The following ADAMTS10 variants were observed in gnomAD, a reference collection of about 807,000 sequenced individuals.
ADAMTS10 encodes the protein ADAM metallopeptidase with thrombospondin type 1 motif 10, also known as A disintegrin and metalloproteinase with thrombospondin motifs 10.
ADAMTS10 carries 48 observed loss-of-function variants against 135.9 expected under a neutral mutation model. The observed-to-expected ratio is 0.35, with a 90% CI of 0.28 to 0.45. ADAMTS10 has a LOEUF of 0.45. Ranked by LOEUF, ADAMTS10 falls within the 20% of genes least tolerant of loss-of-function variation. ADAMTS10 has a pLI of 1.00. For synonymous variants in ADAMTS10, 621 were observed against 647.5 expected (o/e 0.96, Z 0.62); for missense variants, 1,131 against 1,565.2 (o/e 0.72, Z 4.68).
chr19:8,607,110 TGGTC>T (rs879998306), intron 2 of ADAMTS10, among the ~76,000 whole-genome samples: 1 of 152,038 alleles, frequency 6.6e-6, no homozygotes. Flanking sequence ...AAGGGGGGGC[TGGTC>T]GGTGTGAATT....
chr19:8,583,624 A>T (rs1475455177), intron 25 of ADAMTS10, among the ~76,000 whole-genome samples: 2 of 152,000 alleles, frequency 1.3e-5, no homozygotes, highest in Admixed American at 6.6e-5. Flanking sequence ...AGGCGGGTGG[A>T]TTACTTGAGG....
rs142825557 is a variant in ADAMTS10 at position 8,595,822 on chromosome 19, G to A, written c.1419C>T (p.Tyr473=). The part of the protein sequence containing the change: ...VYPTVAPGQA[Y]DADEQCRFQH... ...GAAAGCGGCATTGCTCATCTGCATCGTAGGCTTGGCCCGGTGCCACTGTCG... is the reference window on the plus strand; with the variant it reads ...GAAAGCGGCATTGCTCATCTGCATCATAGGCTTGGCCCGGTGCCACTGTCG... Residue 473 remains tyrosine (Y), a synonymous_variant, in exon 12 of 26, where the codon TAC becomes TAT. Coordinates refer to ENST00000597188, the MANE Select transcript of ADAMTS10 (RefSeq NM_030957.4). The A allele has an allele frequency of 4.1e-5, 66 of 1,614,162 alleles. No individual in the cohort carries two copies. The African/African-American group carries it at 6.9e-4, about 17-fold the overall frequency.
rs1428079342 is a variant in ADAMTS10 at position 8,601,355 on chromosome 19, T to G, written c.593-210A>C. Among the ~76,000 whole-genome samples, 2 of 148,800 alleles carry G rather than the reference T, an allele frequency of 1.3e-5. No homozygotes were observed. The highest frequency in any genetic ancestry group is 3.0e-5 in the Non-Finnish European group (2 of 67,512). ...GGGCTGCCAAACACCTCATCGTTTT[T>G]CTTATTCTTTTTTTTTTTTTTTTTG... On this transcript the variant is annotated intron_variant, in intron 5 of 25. Coordinates refer to ENST00000597188, the MANE Select transcript of ADAMTS10 (RefSeq NM_030957.4). The surrounding 1 kb of genome is among the most constrained non-coding windows in gnomAD (Gnocchi z 4.6).
intron 25 of ADAMTS10, among the ~76,000 whole-genome samples, chr19:8,583,618 G>A (rs1048283053): frequency 6.7e-5 from 10 of 149,484 alleles, no homozygotes; most frequent in African/African-American, 2.5e-4. Flanking sequence ...AGGCCGAGGC[G>A]GGTGGATTAC....
rs1555740067 is a variant in ADAMTS10, at chr19:8,596,043, G to A, written c.1337+30C>T. The A allele has an allele frequency of 4.3e-6, 7 of 1,614,006 alleles. No individual in the cohort carries two copies. The highest frequency in any genetic ancestry group is 2.2e-5 in the South Asian group (2 of 91,086). On this transcript the variant is annotated intron_variant, in intron 11 of 25. Coordinates refer to ENST00000597188, the MANE Select transcript of ADAMTS10 (RefSeq NM_030957.4). The surrounding 1 kb of genome is among the most constrained non-coding windows in gnomAD (Gnocchi z 7.2). ...CCCTGCCCCACCATGAGTGTGACCC[G>A]CTCTGAGGGACACCCAGGTGCATCC...
Position 8,586,405 on chromosome 19 carries a change from C to T in ADAMTS10, c.2469G>A (p.Ser823=), listed in dbSNP as rs782704779. 7.4e-6 allele frequency: 12 copies of T among 1,613,866 alleles called. No individual in the cohort carries two copies. Among genetic ancestry groups the T allele is most frequent in the South Asian group, 1.1e-5 (1 of 91,070 alleles). ...CATAGTGCCAGGAGTAGGGGGGCAGCGAGTCACGGGCGATGGGGGCATTGA... is the reference window on the plus strand; with the variant it reads ...CATAGTGCCAGGAGTAGGGGGGCAGTGAGTCACGGGCGATGGGGGCATTGA... ...YRFNAPIARD[S]LPPYSWHYAP... is the part of the protein sequence containing the mutation. Residue 823 remains serine, a synonymous_variant, in exon 21 of 26, where the codon TCG becomes TCA. Transcript: ENST00000597188.
chr19:8,604,074 A>G (rs977478969), intron 4 of ADAMTS10, among the ~76,000 whole-genome samples, 190 bp from the exon 5 acceptor site: 1 of 150,992 alleles, frequency 6.6e-6, no homozygotes, highest in East Asian at 1.9e-4. Context: ...TTTTGGAGAC[A>G]AGGTCTTACT....
At chr19:8,600,713 TG>T (rs1331330837) in intron 6 of ADAMTS10, among the ~76,000 whole-genome samples, 1 of 151,964 alleles carries the variant, frequency 6.6e-6, no homozygotes, top group Non-Finnish European at 1.5e-5. Flanking sequence ...TTAGCCAGGA[TG>T]GTCTCCATCT....
chr19:8,600,101 C>T (rs889902316), intron 6 of ADAMTS10, among the ~76,000 whole-genome samples: 1 of 152,222 alleles, frequency 6.6e-6, no homozygotes, highest in Non-Finnish European at 1.5e-5. Context: ...GCATGAGCCA[C>T]TGTGCCCAGC....
In ADAMTS10 at chr19:8,591,794, A is replaced by G; in HGVS notation, c.1797+6T>C. On this transcript the variant is annotated splice_donor_region_variant and intron_variant, in intron 15 of 25. Coordinates refer to ENST00000597188, the MANE Select transcript of ADAMTS10 (RefSeq NM_030957.4). ...CCCACCCCTCAAGGGGTTTGGGGGA[A>G]CTCACATCCGTGTTGCAGGAGCGGT... 6.2e-7 allele frequency: 1 copy of G among 1,613,674 alleles called. No individual in the cohort carries two copies. The highest frequency in any genetic ancestry group is 8.5e-7 in the Non-Finnish European group (1 of 1,179,998).
chr19:8,581,860 C>CAAAAAAAAAAAAAAAAAAAACA (rs71286209), intron 25 of ADAMTS10, among the ~76,000 whole-genome samples: 1 of 127,646 alleles, frequency 7.8e-6, no homozygotes, highest in Admixed American at 7.8e-5. Flanking sequence ...AACAAAAAAA[C>CAAAAAAAAAAAAAAAAAAAACA]AAAAAAAAAA....
chr19:8,584,750 G>T, intron 25 of ADAMTS10, 145 bp downstream of exon 25: 1 of 1,184,358 alleles, frequency 8.4e-7, no homozygotes, highest in Non-Finnish European at 1.2e-6. Flanking sequence ...GCAGGGAGGG[G>T]ATGGTGAAGG....
intron 25 of ADAMTS10, among the ~76,000 whole-genome samples, chr19:8,583,193 C>A (rs2042377187): frequency 1.3e-5 from 2 of 152,084 alleles, no homozygotes; most frequent in Non-Finnish European, 2.9e-5. Context: ...GAAGATGAAC[C>A]CAGGTAGTTT....
Position 8,586,419 on chromosome 19 carries a change from T to C in ADAMTS10, c.2455A>G (p.Ile819Val). 6.2e-7 allele frequency: 1 copy of C among 1,613,762 alleles called. No individual in the cohort carries two copies. Among genetic ancestry groups the C allele is most frequent in the Non-Finnish European group, 8.5e-7 (1 of 1,179,964 alleles). The change falls in exon 21 of 26, where the codon ATC (isoleucine) becomes GTC (valine). Residue 819 changes from isoleucine to valine, a missense_variant. This residue lies in a region of ADAMTS10 where 745 missense variants were observed against 1,056.3 expected (regional missense o/e 0.71). Transcript: ENST00000597188. Reference protein sequence around the residue: ...PALRYRFNAPIARDSLPPYSW... With the variant: ...PALRYRFNAPVARDSLPPYSW... The stretch of plus-strand genomic sequence containing the variant: ...TAGGGGGGCAGCGAGTCACGGGCGA[T>C]GGGGGCATTGAAGCGGTAGCGGAGG...
In ADAMTS10 at chr19:8,585,267, G is replaced by C. The variant is rs1555736673; in HGVS notation, c.2907C>G (p.Val969=). The C allele has an allele frequency of 6.6e-7, 1 of 1,504,734 alleles. No homozygotes were observed. The highest frequency in any genetic ancestry group is 8.9e-7 in the Non-Finnish European group (1 of 1,125,496). The allele number at this position is 1,504,734 out of a possible 1,614,324, so 93.2% of individuals were successfully genotyped here. ...SCGPGLRHRV[V]LCKSADHRAT... is the part of the protein sequence containing the mutation. ...CGCGGTGGTCTGCGCTCTTGCAAAG[G>C]ACCACGCGGTGGCGGAGGCCCGGCC... The change falls in exon 24 of 26, where the codon GTC becomes GTG. Residue 969 remains valine, a synonymous_variant. Transcript: ENST00000597188.
intron 25 of ADAMTS10, 127 bp from the exon 26 acceptor site, chr19:8,581,129 ACTT>A (rs2146026074): frequency 2.4e-4 from 31 of 126,848 alleles, no homozygotes; most frequent in East Asian, 1.0e-3. Context: ...TTTTAAATTT[ACTT>A]TTTTTTTTTT....
In ADAMTS10 at chr19:8,601,731, G is replaced by A. The variant is rs1212319059; in HGVS notation, c.593-586C>T. 6.6e-6 allele frequency among the ~76,000 whole-genome samples: 1 copy of A among 152,050 alleles called. No individual in the cohort carries two copies. Among genetic ancestry groups the A allele is most frequent in the Non-Finnish European group, 1.5e-5 (1 of 68,016 alleles). On this transcript the variant is annotated intron_variant, in intron 5 of 25. Coordinates refer to ENST00000597188, the MANE Select transcript of ADAMTS10 (RefSeq NM_030957.4). This position sits in a 1 kb window ranked among gnomAD's most constrained non-coding sequence, Gnocchi z 4.6. ...TTTTTTTGTCAGTGTCCTACTACCT[G>A]AGAATATTGTAGTCTACCATGATGT...
chr19:8,580,902 A>C lies in ADAMTS10; in HGVS notation c.3303T>G (p.His1101Gln), dbSNP rs7252299. 1 allele frequency: 1,609,119 copies of C among 1,609,488 alleles called. 804,375 individuals carry two copies. The highest frequency in any genetic ancestry group is 1 in the Middle Eastern group (6,026 of 6,026). ...YFRQMCCKTC[H>Q]GH ...GGGTGCCGCGCGCCCCCTAGTGGCC[A>C]TGGCAGGTTTTGCAGCACATCTGGC... The change falls in exon 26 of 26, where the codon CAT becomes CAG. Residue 1101 changes from histidine (H) to glutamine (Q), a missense_variant. His to Gln is a conservative substitution (Grantham distance 24). Around this residue, in one of 3 missense-constraint regions of ADAMTS10, gnomAD observed 745 missense variants for 1,056.3 expected, o/e 0.71. Coordinates refer to ENST00000597188, the MANE Select transcript of ADAMTS10 (RefSeq NM_030957.4).
chr19:8,600,171 G>A (rs1786963540), intron 6 of ADAMTS10, among the ~76,000 whole-genome samples: 2 of 152,140 alleles, frequency 1.3e-5, no homozygotes, highest in African/African-American at 4.8e-5. Context: ...GCCAAGAACT[G>A]TTCTACATGC....
Sources: gnomAD v4.1 joint callset for allele counts (sites outside exome capture counted in the v4.1 genomes callset) on GRCh38, gnomAD v4.1.1 for gene constraint, gnomAD v4.1.1 regional missense constraint, Gnocchi (gnomAD v3.1) non-coding constraint, MANE v1.5 for transcripts, NCBI Gene and HGNC (gene_info 2026-07-23, HGNC 2026-07-21) for gene names.